NRXN2: variants seen among roughly 807,000 people sequenced by gnomAD.
NRXN2 encodes the protein neurexin-2-beta.
In NRXN2, 29 loss-of-function variants were observed where a neutral mutation model predicts 128.8. The ratio of observed to expected loss-of-function variants is 0.23; its 90% confidence interval spans 0.17 to 0.31. The LOEUF (loss-of-function observed/expected upper bound fraction) is 0.31. Ranked by LOEUF, NRXN2 falls within the 10% of genes least tolerant of loss-of-function variation. The pLI is 1.00. For missense variants in NRXN2, 1,881 were observed against 2,452.6 expected (o/e 0.77, Z 4.92); for synonymous variants, 1,098 against 1,075.2 (o/e 1.02, Z -0.41).
intron 15 of NRXN2, 67 bp downstream of exon 15, chr11:64,650,381 G>T: frequency 6.5e-7 from 1 of 1,531,778 alleles, no homozygotes; most frequent in Non-Finnish European, 9.0e-7. Flanking sequence ...GCAGGAATGG[G>T]GTGATCTCGC....
chr11:64,676,872 A>T (rs2051392500), intron 7 of NRXN2, 121 bp downstream of exon 7: 2 of 777,836 alleles, frequency 2.6e-6, no homozygotes, highest in Non-Finnish European at 4.5e-6. Flanking sequence ...GACGCAAAAA[A>T]CAATTGGAAG....
chr11:64,607,317 C>G lies in NRXN2; in HGVS notation c.5018G>C (p.Ser1673Thr). 6.2e-7 allele frequency: 1 copy of G among 1,614,046 alleles called. No individual in the cohort carries two copies. The highest frequency in any genetic ancestry group is 8.5e-7 in the Non-Finnish European group (1 of 1,179,990). ...RDEGSYQVDQ[S>T]RNYISNSAQS... ...GGCCGAGTTACTGATGTAGTTTCGGCTCTGGTCCACCTGGTAGGAGCCCTC... is the reference window on the plus strand; with the variant it reads ...GGCCGAGTTACTGATGTAGTTTCGGGTCTGGTCCACCTGGTAGGAGCCCTC... Residue 1673 changes from serine (S) to threonine (T), a missense_variant, in exon 23 of 23, where the codon AGC becomes ACC. Ser to Thr is a moderately conservative substitution (Grantham distance 58). This residue lies in a region of NRXN2 where 63 missense variants were observed against 76.0 expected (regional missense o/e 0.83). Coordinates refer to ENST00000265459, the MANE Select transcript of NRXN2 (RefSeq NM_015080.4).
intron 17 of NRXN2, among the ~76,000 whole-genome samples, chr11:64,641,510 C>T (rs1434381409): frequency 6.6e-6 from 1 of 151,292 alleles, no homozygotes; most frequent in African/African-American, 2.4e-5. Context: ...ATGGGGAGGA[C>T]AGAGCTTGGG....
At position 64,607,194 on chromosome 11, in the gene NRXN2, G is replaced by A. The variant is rs1384935462; in HGVS notation, c.*2C>T. 1.3e-5 allele frequency: 21 copies of A among 1,612,718 alleles called. No homozygotes were observed. The highest frequency in any genetic ancestry group is 2.7e-5 in the African/African-American group (2 of 74,858). On this transcript the variant is annotated 3_prime_UTR_variant, in exon 23 of 23. Coordinates refer to ENST00000265459, the MANE Select transcript of NRXN2 (RefSeq NM_015080.4). ...CTGGCAGTGGGGCGCAGTGCCGGGG[G>A]CTCAGACATAATACTCCTTGTCTTT...
At chr11:64,722,000 G>A (rs189983452) in intron 1 of NRXN2, among the ~76,000 whole-genome samples, 148 of 152,162 alleles carry the variant, frequency 9.7e-4, no homozygotes, top group Middle Eastern at 3.4e-3. Flanking sequence ...GGGGGTGAGA[G>A]TAAAGGAGAC....
chr11:64,699,431 T>TTTC (rs1555103515), intron 2 of NRXN2, among the ~76,000 whole-genome samples: 5 of 135,220 alleles, frequency 3.7e-5, no homozygotes, highest in Admixed American at 7.4e-5. Context: ...TTTTCTTTTT[T>TTTC]TTTTTTTTTT....
intron 5 of NRXN2, among the ~76,000 whole-genome samples, chr11:64,687,889 T>C (rs1023248279): frequency 6.6e-6 from 1 of 151,980 alleles, no homozygotes; most frequent in Non-Finnish European, 1.5e-5. Flanking sequence ...GGCCTTGCTG[T>C]TTCCATAGCA....
intron 11 of NRXN2, 91 bp from the exon 12 acceptor site, chr11:64,653,813 G>A: frequency 1.0e-6 from 1 of 978,308 alleles, no homozygotes; most frequent in East Asian, 2.6e-5. Context: ...AGGGAGGGGT[G>A]TCTGCGGGCG....
intron 12 of NRXN2, among the ~76,000 whole-genome samples, chr11:64,653,156 C>T (rs141754242): frequency 6.6e-6 from 1 of 152,250 alleles, no homozygotes; most frequent in East Asian, 1.9e-4. Flanking sequence ...CTGCTGAGAG[C>T]CCTCACTGTC....
chr11:64,651,752 TGTCCTC>T lies in NRXN2; in HGVS notation c.2537-122_2537-117del. 2 of 1,195,690 alleles carry T rather than the reference TGTCCTC, an allele frequency of 1.7e-6. No individual in the cohort carries two copies. Among genetic ancestry groups the T allele is most frequent in the Non-Finnish European group, 2.4e-6 (2 of 837,880 alleles). The allele number at this position is 1,195,690 out of a possible 1,614,324, so 74.1% of individuals were successfully genotyped here. On this transcript the variant is annotated intron_variant, in intron 13 of 22. Transcript: ENST00000265459. This position sits in a 1 kb window ranked among gnomAD's most constrained non-coding sequence, Gnocchi z 5.9. ...CACCCATGAGTGACATCTTTAGAGA[TGTCCTC>T]GGCTAGGCACTAGCAGCCAGCACAG...
In NRXN2 at chr11:64,661,042, A is replaced by G; in HGVS notation, c.1896T>C (p.Pro632=). Residue 632 remains proline, a synonymous_variant, in exon 10 of 23, where the codon CCT becomes CCC. Coordinates refer to ENST00000265459, the MANE Select transcript of NRXN2 (RefSeq NM_015080.4). ...GGGGCAGGTCCACCCGGCCCCCCTC[A>G]GGGAGACCGCCCAGGTACAGCTCAC... ...LESELYLGGL[P]EGGRVDLPLP... is the part of the protein sequence containing the mutation. 1.9e-6 allele frequency: 3 copies of G among 1,613,510 alleles called. No individual in the cohort carries two copies. The highest frequency in any genetic ancestry group is 1.3e-5 in the African/African-American group (1 of 75,060).
At chr11:64,613,660 T>C (rs7121121) in intron 22 of NRXN2, among the ~76,000 whole-genome samples, 49,541 of 152,160 alleles carry the variant, frequency 0.33, 10,339 homozygotes, top group African/African-American at 0.59. Flanking sequence ...TGATCAGGCA[T>C]ACCCAGGTAG....
intron 17 of NRXN2, among the ~76,000 whole-genome samples, chr11:64,641,242 G>A (rs2045615534): frequency 6.6e-6 from 1 of 152,054 alleles, no homozygotes; most frequent in Admixed American, 6.6e-5. Context: ...GATGAGATGG[G>A]ACAGGATGGG....
chr11:64,666,679 T>C (rs10792444), intron 9 of NRXN2, among the ~76,000 whole-genome samples: 18,110 of 151,998 alleles, frequency 0.12, 1,423 homozygotes, highest in East Asian at 0.29. Flanking sequence ...TTCTCCTGCC[T>C]CAGCCTTCCA....
chr11:64,681,866 C>T (rs1387459010), intron 6 of NRXN2, among the ~76,000 whole-genome samples: 1 of 152,144 alleles, frequency 6.6e-6, no homozygotes, highest in Non-Finnish European at 1.5e-5. Flanking sequence ...GTACACCATG[C>T]CAGAGAGGGA....
chr11:64,622,404 CAGA>C lies in NRXN2; in HGVS notation c.4173+346_4173+348del, dbSNP rs1345237071. Among the ~76,000 whole-genome samples the C allele has an allele frequency of 1.3e-5, 2 of 152,202 alleles. No homozygotes were observed. Among genetic ancestry groups the C allele is most frequent in the Admixed American group, 6.5e-5 (1 of 15,286 alleles). On this transcript the variant is annotated intron_variant, in intron 21 of 22. Coordinates refer to ENST00000265459, the MANE Select transcript of NRXN2 (RefSeq NM_015080.4). The surrounding 1 kb of genome is among the most constrained non-coding windows in gnomAD (Gnocchi z 4.3). ...CTAGGCATGGCCTTCACTGGGGAAG[CAGA>C]AGGAGCCATCCTACTCTCACCCCAA...
chr11:64,619,163 C>T (rs1008405923), intron 22 of NRXN2, among the ~76,000 whole-genome samples: 7 of 152,166 alleles, frequency 4.6e-5, no homozygotes, highest in African/African-American at 1.7e-4. Flanking sequence ...CGGCCCCAAC[C>T]TCCAGCCTTC....
rs2042497798 is a variant in NRXN2 at position 64,622,442 on chromosome 11, T to G, written c.4173+311A>C. Reference sequence around the variant, plus strand: ...CCTACTCTCACCCCAAGTCCAGACTTCATCTCTCTTAGGTAGGGTGGTCTT... The same window carrying G: ...CCTACTCTCACCCCAAGTCCAGACTGCATCTCTCTTAGGTAGGGTGGTCTT... On this transcript the variant is annotated intron_variant, in intron 21 of 22. Transcript: ENST00000265459. This position sits in a 1 kb window ranked among gnomAD's most constrained non-coding sequence, Gnocchi z 4.3. 6.6e-6 allele frequency among the ~76,000 whole-genome samples: 1 copy of G among 152,190 alleles called. No homozygotes were observed. Among genetic ancestry groups the G allele is most frequent in the African/African-American group, 2.4e-5 (1 of 41,450 alleles).
chr11:64,640,697 G>C (rs781219412), intron 17 of NRXN2, among the ~76,000 whole-genome samples: 25 of 152,148 alleles, frequency 1.6e-4, no homozygotes, highest in Non-Finnish European at 3.4e-4. Flanking sequence ...TTCGGGATGA[G>C]AGAATAAAAG....
Sources: allele counts gnomAD v4.1 joint callset (sites outside exome capture counted in the v4.1 genomes callset), GRCh38; gene constraint gnomAD v4.1.1; regional missense constraint gnomAD v4.1.1; non-coding constraint Gnocchi (gnomAD v3.1); transcripts MANE v1.5; gene names NCBI Gene and HGNC (gene_info 2026-07-23, HGNC 2026-07-21).